Variants in INTS9 observed in about 807,000 individuals in gnomAD.
INTS9 encodes integrator complex subunit 9, also known as protein related to CPSF subunits of 74 kDa.
In INTS9, 55 loss-of-function variants were observed where a neutral mutation model predicts 79.7. The observed-to-expected ratio is 0.69, with a 90% CI of 0.56 to 0.86. INTS9 has a LOEUF of 0.86. Ranked by LOEUF, INTS9 falls within the 40% of genes least tolerant of loss-of-function variation. The pLI is 0.00. For synonymous variants in INTS9, 319 were observed against 325.2 expected (o/e 0.98, Z 0.20); for missense variants, 721 against 831.5 (o/e 0.87, Z 1.64).
intron 4 of INTS9, among the ~76,000 whole-genome samples, chr8:28,844,441 G>A (rs548811559): frequency 6.6e-6 from 1 of 152,294 alleles, no homozygotes; most frequent in African/African-American, 2.4e-5. Context: ...TTGGGAGGTT[G>A]AGGTGGGAGG....
intron 8 of INTS9, chr8:28,798,046 T>C (rs1804320789): frequency 1.3e-5 from 2 of 152,222 alleles, no homozygotes; most frequent in African/African-American, 2.4e-5. Context: ...ACATTTAATA[T>C]GGAAACAGAA....
Position 28,859,532 on chromosome 8 carries a change from C to CA in INTS9, c.40dup (p.Cys14LeufsTer90). On this transcript the variant is annotated frameshift_variant, in exon 2 of 17. Transcript: ENST00000521022. LOFTEE classifies it high-confidence loss of function. ...GGTTGATTTGAATTTGAGCACATTG[C>CA]ATGGTAAGGTTGGGTGCCCTGACAG... 2 of 1,614,072 alleles carry CA rather than the reference C, an allele frequency of 1.2e-6. No homozygotes were observed. The highest frequency in any genetic ancestry group is 1.7e-6 in the Non-Finnish European group (2 of 1,179,956).
intron 6 of INTS9, among the ~76,000 whole-genome samples, chr8:28,822,324 C>A (rs552829604): frequency 7.2e-5 from 11 of 152,024 alleles, no homozygotes; most frequent in Middle Eastern, 3.4e-3. Flanking sequence ...AAACCAGAAT[C>A]AAAATTCTTC....
intron 4 of INTS9, among the ~76,000 whole-genome samples, chr8:28,845,722 G>C (rs186707733): frequency 6.6e-6 from 1 of 152,180 alleles, no homozygotes; most frequent in Non-Finnish European, 1.5e-5. Flanking sequence ...AATGACTTTG[G>C]TTAACGGTGA....
intron 15 of INTS9, among the ~76,000 whole-genome samples, 166 bp downstream of exon 15, chr8:28,770,816 C>T (rs548340099): frequency 2.6e-5 from 4 of 152,356 alleles, no homozygotes; most frequent in East Asian, 1.9e-4. Context: ...CTTGGGATGA[C>T]GTGCGGCCTC....
Position 28,835,312 on chromosome 8 carries a change from C to T in INTS9, c.468G>A (p.Trp156Ter). 4 of 1,613,350 alleles carry T rather than the reference C, an allele frequency of 2.5e-6. No individual in the cohort carries two copies. The highest frequency in any genetic ancestry group is 3.4e-6 in the Non-Finnish European group (4 of 1,179,426). The change falls in exon 6 of 17, where the codon TGG becomes TGA. Residue 156 changes from tryptophan to a stop codon, truncating the protein, a stop_gained. Transcript: ENST00000521022. LOFTEE classifies it high-confidence loss of function. ...RVPKAQSASL[W>*]KNKDIQRLLP... ...CTCACCTCTGAATGTCCTTATTCTT[C>T]CACAAGGAGGCAGACTGAGCCTTTG...
chr8:28,806,729 C>G (rs1297282374), intron 8 of INTS9, among the ~76,000 whole-genome samples: 1 of 152,128 alleles, frequency 6.6e-6, no homozygotes, highest in Non-Finnish European at 1.5e-5. Context: ...TATGTCTAAT[C>G]AGACTGGATG....
chr8:28,880,942 G>A (rs1809716174), intron 1 of INTS9, among the ~76,000 whole-genome samples: 1 of 148,994 alleles, frequency 6.7e-6, no homozygotes, highest in Admixed American at 6.6e-5. Flanking sequence ...CCTCTGCTGG[G>A]CCGCAACCCT....
intron 14 of INTS9, among the ~76,000 whole-genome samples, chr8:28,773,579 T>G (rs1802695024): frequency 1.3e-5 from 2 of 148,430 alleles, no homozygotes. Flanking sequence ...TGAGACGGAG[T>G]CTCGCTATGT....
chr8:28,797,344 G>A (rs1804280748), intron 8 of INTS9, among the ~76,000 whole-genome samples: 1 of 152,180 alleles, frequency 6.6e-6, no homozygotes, highest in Admixed American at 6.5e-5. Context: ...AAGCCATGAA[G>A]AACCCTGGAT....
chr8:28,806,960 G>C (rs546426606), intron 8 of INTS9, among the ~76,000 whole-genome samples: 1 of 151,944 alleles, frequency 6.6e-6, no homozygotes, highest in Non-Finnish European at 1.5e-5. Context: ...TAAATCCAAA[G>C]TAAAGAAGGA....
At chr8:28,833,619 CAAAAA>C (rs1399297245) in intron 6 of INTS9, among the ~76,000 whole-genome samples, 15 of 108,154 alleles carry the variant, frequency 1.4e-4, no homozygotes, top group Middle Eastern at 6.0e-3. Context: ...GACTCTGTCT[CAAAAA>C]CAAAAACAAA....
intron 15 of INTS9, among the ~76,000 whole-genome samples, chr8:28,770,579 C>T (rs1015761213): frequency 6.6e-6 from 1 of 152,228 alleles, no homozygotes; most frequent in African/African-American, 2.4e-5. Context: ...TGACACAGTC[C>T]AGATCTGAAA....
intron 4 of INTS9, among the ~76,000 whole-genome samples, chr8:28,839,601 CAATGGAACAG>C (rs1400732474): frequency 6.6e-6 from 1 of 152,016 alleles, no homozygotes. Context: ...AGATATAGAT[CAATGGAACAG>C]AACAGAGCCC....
At chr8:28,828,054 C>T (rs1806256117) in intron 6 of INTS9, among the ~76,000 whole-genome samples, 1 of 152,196 alleles carries the variant, frequency 6.6e-6, no homozygotes, top group Non-Finnish European at 1.5e-5. Flanking sequence ...GCTGTGATTA[C>T]TCCGTCAAAG....
intron 8 of INTS9, among the ~76,000 whole-genome samples, chr8:28,802,898 C>A (rs1412980018): frequency 1.3e-5 from 2 of 150,924 alleles, no homozygotes; most frequent in Non-Finnish European, 2.9e-5. Context: ...TCACTTGAGC[C>A]CAGGAGTTCA....
At chr8:28,800,443 A>T (rs1343315160) in intron 8 of INTS9, among the ~76,000 whole-genome samples, 1 of 152,194 alleles carries the variant, frequency 6.6e-6, no homozygotes, top group Non-Finnish European at 1.5e-5. Flanking sequence ...AGGGCCAAAA[A>T]GGTCAGGATC....
chr8:28,768,089 G>C lies in INTS9; in HGVS notation c.*57C>G. 6.5e-7 allele frequency: 1 copy of C among 1,545,830 alleles called. No individual in the cohort carries two copies. The highest frequency in any genetic ancestry group is 8.9e-7 in the Non-Finnish European group (1 of 1,121,264). On this transcript the variant is annotated 3_prime_UTR_variant, in exon 17 of 17. Coordinates refer to ENST00000521022, the MANE Select transcript of INTS9 (RefSeq NM_018250.4). ...TCTCATGCCACTCCTCAGGTGGCTT[G>C]TGAGGGCAGCCAGTGAGGGACTGCA...
At chr8:28,778,525 C>G (rs1803039771) in intron 12 of INTS9, among the ~76,000 whole-genome samples, 1 of 152,212 alleles carries the variant, frequency 6.6e-6, no homozygotes, top group Non-Finnish European at 1.5e-5. Flanking sequence ...ACGGCCCCGC[C>G]TCCAGGCCCG....
Sources: allele counts gnomAD v4.1 joint callset (sites outside exome capture counted in the v4.1 genomes callset), GRCh38; gene constraint gnomAD v4.1.1; transcripts MANE v1.5; gene names NCBI Gene and HGNC (gene_info 2026-07-23, HGNC 2026-07-21).